ALS2CL: variants seen among roughly 807,000 people sequenced by gnomAD.
ALS2CL encodes the protein ALS2 C-terminal like.
ALS2CL carries 112 observed loss-of-function variants against 127.9 expected under a neutral mutation model. The observed-to-expected ratio is 0.88, with a 90% CI of 0.75 to 1.02. The LOEUF (loss-of-function observed/expected upper bound fraction) is 1.02, where lower values mean the gene tolerates loss of function less well. Among genes scored for constraint, ALS2CL ranks in the 50% least tolerant of loss-of-function variants. The probability of loss-of-function intolerance (pLI) is 0.00; values close to 1 mark genes in which losing one functional copy is unlikely to be tolerated. For missense variants in ALS2CL, 1,174 were observed against 1,236.7 expected (o/e 0.95, Z 0.76); for synonymous variants, 519 against 527.6 (o/e 0.98, Z 0.22).
intron 2 of ALS2CL, 112 bp downstream of exon 2, chr3:46,689,226 T>C: frequency 9.1e-7 from 1 of 1,102,048 alleles, no homozygotes; most frequent in Non-Finnish European, 1.3e-6. Context: ...GTGTCACCAC[T>C]CCTATTTGAG....
intron 16 of ALS2CL, among the ~76,000 whole-genome samples, chr3:46,677,961 G>A (rs1259296208): frequency 3.9e-5 from 5 of 129,046 alleles, no homozygotes; most frequent in African/African-American, 1.5e-4. Flanking sequence ...TTTTTTTCCT[G>A]TATGTTTGGT....
intron 7 of ALS2CL, 59 bp downstream of exon 7, chr3:46,685,466 C>T: frequency 6.3e-7 from 1 of 1,590,698 alleles, no homozygotes; most frequent in South Asian, 1.1e-5. Flanking sequence ...TGCTCCTTTT[C>T]CAGCCAGACC....
intron 21 of ALS2CL, 137 bp from the exon 22 acceptor site, chr3:46,673,518 A>C (rs1184791355): frequency 2.7e-5 from 24 of 875,854 alleles, no homozygotes; most frequent in Non-Finnish European, 4.0e-5. Flanking sequence ...AGCCTAGGTC[A>C]TGGGGAGGAT....
intron 22 of ALS2CL, 127 bp downstream of exon 22, chr3:46,673,212 T>TA: frequency 3.8e-6 from 3 of 785,406 alleles, no homozygotes; most frequent in East Asian, 3.1e-5. Context: ...CAGTGTCTCC[T>TA]CCCAACCCAC....
chr3:46,686,989 A>C lies in ALS2CL; in HGVS notation c.528T>G (p.Ile176Met). ...VLLLLSLGDT[I>M]GEHHPTRELV... The stretch of plus-strand genomic sequence containing the variant: ...TGCTGCCCCTGGTACCCACCTCCCC[A>C]ATGGTGTCCCCGAGGCTCAGCAGGA... The change falls in exon 5 of 26, where the codon ATT (isoleucine) becomes ATG (methionine). Residue 176 changes from isoleucine (I) to methionine (M), a missense_variant. Coordinates refer to ENST00000318962, the MANE Select transcript of ALS2CL (RefSeq NM_147129.5). This position sits in a 1 kb window ranked among gnomAD's most constrained non-coding sequence, Gnocchi z 4.3. The C allele has an allele frequency of 6.3e-7, 1 of 1,593,170 alleles. No homozygotes were observed. Among genetic ancestry groups the C allele is most frequent in the Non-Finnish European group, 8.5e-7 (1 of 1,174,112 alleles).
Position 46,676,267 on chromosome 3 carries a change from G to A in ALS2CL, c.2164C>T (p.Gln722Ter), listed in dbSNP as rs764021726. The A allele has an allele frequency of 1.2e-6, 2 of 1,613,392 alleles. No individual in the cohort carries two copies. The highest frequency in any genetic ancestry group is 1.7e-6 in the Non-Finnish European group (2 of 1,179,876). Reference sequence around the variant, plus strand: ...CACCTGTAGGCAGCCCAGAGTTCCTGGGCATGCTGCTTCACCTCCTCCTGG... The same window carrying A: ...CACCTGTAGGCAGCCCAGAGTTCCTAGGCATGCTGCTTCACCTCCTCCTGG... ...LAQEEVKQHA[Q>*]ELWAAYRGLL... Residue 722 changes from glutamine to a stop codon, truncating the protein, a stop_gained, in exon 19 of 26, where the codon CAG (glutamine) becomes TAG (stop). Coordinates refer to ENST00000318962, the MANE Select transcript of ALS2CL (RefSeq NM_147129.5). LOFTEE classifies it high-confidence loss of function.
Position 46,673,334 on chromosome 3 carries a change from C to A in ALS2CL, c.2472+5G>T. ...CCTGGCTTGGGGCTCTGGCCTCCCTCTCACCTGATTGCTCGTCAGCGTGAG... is the reference window on the plus strand; with the variant it reads ...CCTGGCTTGGGGCTCTGGCCTCCCTATCACCTGATTGCTCGTCAGCGTGAG... On this transcript the variant is annotated splice_donor_5th_base_variant and intron_variant, in intron 22 of 25. Transcript: ENST00000318962. 1 of 1,562,970 alleles carries A rather than the reference C, an allele frequency of 6.4e-7. No individual in the cohort carries two copies.
In ALS2CL at chr3:46,682,012, G is replaced by A; in HGVS notation, c.1175+17C>T. On this transcript the variant is annotated intron_variant, in intron 11 of 25. Transcript: ENST00000318962. ...GCCCACTGCACGCCTCCCAGCAGTA[G>A]CCCCAGCCAGCCTTACCCATGCTCC... 1 of 1,613,450 alleles carries A rather than the reference G, an allele frequency of 6.2e-7. No homozygotes were observed. The highest frequency in any genetic ancestry group is 8.5e-7 in the Non-Finnish European group (1 of 1,179,718).
At chr3:46,683,404 C>T in intron 9 of ALS2CL, 78 bp from the exon 10 acceptor site, 1 of 1,373,126 alleles carries the variant, frequency 7.3e-7, no homozygotes, top group Non-Finnish European at 1.0e-6. Context: ...TGGGGTAGCT[C>T]CAGGTACCAC....
At chr3:46,682,838 G>A (rs1206658028) in intron 10 of ALS2CL, among the ~76,000 whole-genome samples, 2 of 152,234 alleles carry the variant, frequency 1.3e-5, no homozygotes, top group East Asian at 1.9e-4. Flanking sequence ...GTACAGATGT[G>A]AGAATTATTC....
chr3:46,673,497 G>A, intron 21 of ALS2CL, 116 bp from the exon 22 acceptor site: 1 of 1,097,124 alleles, frequency 9.1e-7, no homozygotes, highest in Non-Finnish European at 1.3e-6. Flanking sequence ...CCTGAAAAGG[G>A]GAAGGAGATC....
In ALS2CL at chr3:46,683,778, T is replaced by C. The variant is rs1392092641; in HGVS notation, c.912+4A>G. 6.2e-7 allele frequency: 1 copy of C among 1,613,906 alleles called. No homozygotes were observed. On this transcript the variant is annotated splice_donor_region_variant and intron_variant, in intron 9 of 25. Coordinates refer to ENST00000318962, the MANE Select transcript of ALS2CL (RefSeq NM_147129.5). ...CCCGCAGTTCACAGCTCACCCACAC[T>C]CACCTGGCCCTGGGAGTCCTTGGCA...
intron 14 of ALS2CL, 46 bp downstream of exon 14, chr3:46,680,384 G>A (rs779973660): frequency 5.5e-5 from 86 of 1,553,010 alleles, no homozygotes; most frequent in Non-Finnish European, 7.1e-5. Context: ...CCCCCAGCGG[G>A]AGTGGGGTGC....
intron 15 of ALS2CL, among the ~76,000 whole-genome samples, chr3:46,678,779 C>G (rs1158633212): frequency 6.6e-6 from 1 of 152,230 alleles, no homozygotes; most frequent in African/African-American, 2.4e-5. Flanking sequence ...TGATCTCCAC[C>G]CCTTTGCTCC....
Position 46,672,019 on chromosome 3 carries a change from G to A in ALS2CL, c.2549C>T (p.Pro850Leu). The A allele has an allele frequency of 1.9e-6, 3 of 1,614,006 alleles. No homozygotes were observed. Among genetic ancestry groups the A allele is most frequent in the Non-Finnish European group, 1.7e-6 (2 of 1,180,022 alleles). ...CTCCAGCACCTCCAGCTTCTCCCGT[G>A]GGTCCACCGTGGTCCTGCAGCAGGG... ...CLQKIMTTVD[P>L]REKLEVLERT... The change falls in exon 24 of 26, where the codon CCA becomes CTA. Residue 850 changes from proline to leucine, a missense_variant. Coordinates refer to ENST00000318962, the MANE Select transcript of ALS2CL (RefSeq NM_147129.5).
chr3:46,683,193 G>T lies in ALS2CL; in HGVS notation c.1046C>A (p.Ala349Glu), dbSNP rs1350704621. Residue 349 changes from alanine to glutamate, a missense_variant, in exon 10 of 26, where the codon GCA (alanine) becomes GAA (glutamate). Transcript: ENST00000318962. ...GGTGGCCTGGCAGAGCCGGCCCTCTGCCTGGAAGGTATATTCTGCGCAGCG... is the reference window on the plus strand; with the variant it reads ...GGTGGCCTGGCAGAGCCGGCCCTCTTCCTGGAAGGTATATTCTGCGCAGCG... ...DCRCAEYTFQ[A>E]EGRLCQATYE... The T allele has an allele frequency of 3.7e-6, 6 of 1,606,794 alleles. No homozygotes were observed. The Admixed American group carries it at 1.0e-4, about 27-fold the overall frequency.
At chr3:46,673,234 C>T (rs997828592) in intron 22 of ALS2CL, 105 bp downstream of exon 22, 11 of 1,066,302 alleles carry the variant, frequency 1.0e-5, no homozygotes, top group Non-Finnish European at 1.3e-5. Context: ...CTGCCCCTCC[C>T]CAGCTCCTCT....
rs770856299 is a variant in ALS2CL at position 46,672,045 on chromosome 3, T to C, written c.2535-12A>G. 30 of 1,613,460 alleles carry C rather than the reference T, an allele frequency of 1.9e-5. No individual in the cohort carries two copies. Among genetic ancestry groups the C allele is most frequent in the Non-Finnish European group, 2.5e-5 (29 of 1,179,992 alleles). On this transcript the variant is annotated splice_polypyrimidine_tract_variant and intron_variant, in intron 23 of 25. Coordinates refer to ENST00000318962, the MANE Select transcript of ALS2CL (RefSeq NM_147129.5). ...GGTCCACCGTGGTCCTGCAGCAGGG[T>C]AGCTGGCTCCAGGTCAAGGCCCTTG...
chr3:46,685,435 C>A, intron 7 of ALS2CL, 90 bp downstream of exon 7: 1 of 1,557,678 alleles, frequency 6.4e-7, no homozygotes, highest in Non-Finnish European at 8.7e-7. Context: ...CTTTCTCAGT[C>A]CCAGCAGCAT....
Sources: allele counts gnomAD v4.1 joint callset (sites outside exome capture counted in the v4.1 genomes callset), GRCh38; gene constraint gnomAD v4.1.1; non-coding constraint Gnocchi (gnomAD v3.1); transcripts MANE v1.5; gene names NCBI Gene and HGNC (gene_info 2026-07-23, HGNC 2026-07-21).